Variants in OVCH1 observed in about 807,000 individuals in gnomAD.
OVCH1 encodes ovochymase-1.
Under a neutral mutation model 138.4 loss-of-function variants are expected in OVCH1, and 139 were observed. The observed-to-expected ratio is 1.00, with a 90% CI of 0.87 to 1.16. The LOEUF is 1.16. OVCH1 is among the 50% of genes most tolerant of loss of function. The pLI, the probability that OVCH1 is intolerant of heterozygous loss-of-function variation, is 0.00. For synonymous variants in OVCH1, 453 were observed against 467.8 expected (o/e 0.97, Z 0.41); for missense variants, 1,367 against 1,357.9 (o/e 1.01, Z -0.11).
chr12:29,484,435 A>G lies in OVCH1; in HGVS notation c.995+1811T>C, dbSNP rs140070730. ...TTACATGAGTGAGTAAATATTCACC[A>G]ATCAAAAAATATCAGATAAAATAGA... On this transcript the variant is annotated intron_variant, in intron 8 of 27. Transcript: ENST00000318184. 2.5e-3 allele frequency among the ~76,000 whole-genome samples: 388 copies of G among 152,364 alleles called. 3 individuals are homozygous for G. Among genetic ancestry groups the G allele is most frequent in the African/African-American group, 8.8e-3 (366 of 41,586 alleles).
At chr12:29,488,576 G>A (rs575672050) in intron 6 of OVCH1, among the ~76,000 whole-genome samples, 37 of 131,514 alleles carry the variant, frequency 2.8e-4, no homozygotes, top group South Asian at 2.1e-3. Flanking sequence ...CCAAGATTGC[G>A]CCATTGCACA....
intron 3 of OVCH1, 111 bp from the exon 4 acceptor site, chr12:29,495,568 CT>C: frequency 5.2e-6 from 5 of 958,202 alleles, no homozygotes; most frequent in Non-Finnish European, 7.6e-6. Flanking sequence ...ATCCCTGAGT[CT>C]TTGAAGAAGG....
downstream of OVCH1, among the ~76,000 whole-genome samples, chr12:29,407,474 A>G (rs1940899375): frequency 6.6e-6 from 1 of 150,700 alleles, no homozygotes; most frequent in Admixed American, 6.7e-5. Context: ...ATCTTGAATT[A>G]ATTTTTGTAT....
At chr12:29,451,197 T>G in intron 22 of OVCH1, 148 bp downstream of exon 22, 1 of 426,582 alleles carries the variant, frequency 2.3e-6, no homozygotes, top group Non-Finnish European at 4.0e-6. Context: ...AAAGAAAATG[T>G]TAAGTGTGTT....
At chr12:29,479,782 T>G (rs1942864520) in intron 8 of OVCH1, among the ~76,000 whole-genome samples, 1 of 148,200 alleles carries the variant, frequency 6.7e-6, no homozygotes, top group African/African-American at 2.6e-5. Flanking sequence ...CACTAATAAT[T>G]TTTTTTTTAA....
chr12:29,469,715 TAAA>T (rs111496328), intron 16 of OVCH1, among the ~76,000 whole-genome samples: 1 of 148,010 alleles, frequency 6.8e-6, no homozygotes, highest in African/African-American at 2.5e-5. Context: ...CCCCGTGTCT[TAAA>T]AAAAAAAAAG....
In OVCH1 at chr12:29,450,837, T is replaced by TA. The variant is rs531221817; in HGVS notation, c.2755+507dup. Among the ~76,000 whole-genome samples, 1,239 of 152,034 alleles carry TA rather than the reference T, an allele frequency of 8.1e-3. 17 individuals carry two copies. Among genetic ancestry groups the TA allele is most frequent in the African/African-American group, 0.028 (1,154 of 41,454 alleles). On this transcript the variant is annotated intron_variant, in intron 22 of 27. Coordinates refer to ENST00000318184, the Ensembl canonical transcript of OVCH1. ...TACACCATGTTATACTATACAGCCATAAAAAAGGATAAGTTTATGTCCTTT... is the reference window on the plus strand; with the variant it reads ...TACACCATGTTATACTATACAGCCATAAAAAAAGGATAAGTTTATGTCCTTT...
chr12:29,429,313 A>G (rs1404350148), intron 27 of OVCH1, among the ~76,000 whole-genome samples: 1 of 152,226 alleles, frequency 6.6e-6, no homozygotes, highest in Non-Finnish European at 1.5e-5. Context: ...TTGTACTAAA[A>G]AGTCAAGACA....
chr12:29,463,039 A>G (rs1565588464), intron 18 of OVCH1, among the ~76,000 whole-genome samples: 1 of 152,302 alleles, frequency 6.6e-6, no homozygotes, highest in East Asian at 1.9e-4. Context: ...AGTCAAAGGT[A>G]TTAGAGAGCA....
the OVCH1 span, among the ~76,000 whole-genome samples, chr12:29,404,973 G>C: frequency 7.5e-6 from 1 of 132,944 alleles, no homozygotes; most frequent in Admixed American, 8.7e-5. Flanking sequence ...AGTGAGCTGA[G>C]ATGGCACCAT....
chr12:29,442,312 G>T (rs1941506502), intron 25 of OVCH1, among the ~76,000 whole-genome samples: 1 of 150,696 alleles, frequency 6.6e-6, no homozygotes, highest in Non-Finnish European at 1.5e-5. Context: ...ATGAGTTCAT[G>T]TCCTTTGTAG....
chr12:29,416,616 C>CAG (rs1301739606), intron 3 of OVCH1, among the ~76,000 whole-genome samples: 1 of 152,022 alleles, frequency 6.6e-6, no homozygotes, highest in African/African-American at 2.4e-5. Context: ...ACACACCTAT[C>CAG]AGAATGGCTA....
the OVCH1 span, among the ~76,000 whole-genome samples, chr12:29,402,653 G>A: frequency 6.6e-6 from 1 of 151,874 alleles, no homozygotes; most frequent in African/African-American, 2.4e-5. Context: ...AGGGAGAAAA[G>A]AAAGGAGAAG....
chr12:29,430,537 C>T (rs1294721252), intron 27 of OVCH1, among the ~76,000 whole-genome samples: 1 of 152,088 alleles, frequency 6.6e-6, no homozygotes, highest in Non-Finnish European at 1.5e-5. Context: ...AGTTACATTC[C>T]TAGGAGGATT....
chr12:29,405,847 A>C, the OVCH1 span, among the ~76,000 whole-genome samples: 1 of 152,238 alleles, frequency 6.6e-6, no homozygotes, highest in Admixed American at 6.5e-5. Flanking sequence ...GACTTTGCCG[A>C]ATAAACATAA....
At chr12:29,474,060 AAC>A in intron 14 of OVCH1, among the ~76,000 whole-genome samples, 1 of 115,298 alleles carries the variant, frequency 8.7e-6, no homozygotes, top group African/African-American at 3.2e-5. Flanking sequence ...ATACTTAATA[AAC>A]ACACACACAC....
At chr12:29,415,326 C>T (rs367857871) in intron 3 of OVCH1, among the ~76,000 whole-genome samples, 1 of 152,136 alleles carries the variant, frequency 6.6e-6, no homozygotes, top group Non-Finnish European at 1.5e-5. Flanking sequence ...CAGGCATACA[C>T]CCAAGGATTG....
the OVCH1 span, among the ~76,000 whole-genome samples, chr12:29,406,451 C>T: frequency 1.3e-5 from 2 of 152,238 alleles, no homozygotes; most frequent in African/African-American, 4.8e-5. Context: ...CCAATGCTAT[C>T]CCTCCCCTCC....
chr12:29,493,267 G>A (rs911946804), intron 4 of OVCH1, among the ~76,000 whole-genome samples: 3 of 152,276 alleles, frequency 2.0e-5, no homozygotes, highest in Admixed American at 2.0e-4. Flanking sequence ...ACTTACTGCT[G>A]TTGAGAAGTC....
Sources: gnomAD v4.1 joint callset for allele counts (sites outside exome capture counted in the v4.1 genomes callset) on GRCh38, gnomAD v4.1.1 for gene constraint, MANE v1.5 for transcripts, NCBI Gene and HGNC (gene_info 2026-07-23, HGNC 2026-07-21) for gene names.